The following STK36 variants were observed in gnomAD, a reference collection of about 807,000 sequenced individuals.
STK36 encodes the protein serine/threonine-protein kinase 36.
In STK36, 116 loss-of-function variants were observed where a neutral mutation model predicts 142.2. The ratio of observed to expected loss-of-function variants is 0.82; its 90% CI spans 0.70 to 0.95. STK36 has a LOEUF of 0.95. STK36 is among the 40% of genes least tolerant of loss of function. The probability of loss-of-function intolerance (pLI) is 0.00; values close to 1 mark genes in which losing one functional copy is unlikely to be tolerated. For missense variants in STK36, 1,422 were observed against 1,617.2 expected (o/e 0.88, Z 2.07); for synonymous variants, 619 against 641.7 (o/e 0.96, Z 0.53).
intron 4 of STK36, among the ~76,000 whole-genome samples, chr2:218,674,494 C>G (rs1940143384): frequency 6.6e-6 from 1 of 152,192 alleles, no homozygotes; most frequent in Non-Finnish European, 1.5e-5. Context: ...TTTGTCTGTA[C>G]CCAAGCAAGT....
intron 21 of STK36, among the ~76,000 whole-genome samples, chr2:218,696,116 C>T (rs1192421860): frequency 6.6e-6 from 1 of 152,148 alleles, no homozygotes; most frequent in East Asian, 1.9e-4. Context: ...CCCGCCTCAG[C>T]CTCCCAAAGT....
intron 10 of STK36, among the ~76,000 whole-genome samples, chr2:218,681,968 C>T (rs1420016047): frequency 6.6e-6 from 1 of 152,112 alleles, no homozygotes. Context: ...GCTCTTGTTG[C>T]CCAGGCTGGA....
chr2:218,688,469 G>A (rs945328108), intron 11 of STK36: 8 of 598,222 alleles, frequency 1.3e-5, no homozygotes, highest in East Asian at 6.4e-5. Context: ...GCCCCTATCC[G>A]TTGGTCACTG....
chr2:218,683,415 C>T (rs1270720290), intron 10 of STK36, among the ~76,000 whole-genome samples: 1 of 152,012 alleles, frequency 6.6e-6, no homozygotes, highest in Non-Finnish European at 1.5e-5. Context: ...GCTGGGGTTA[C>T]AGGTGCCTGT....
chr2:218,694,642 C>T lies in STK36; in HGVS notation c.2511+7C>T, dbSNP rs759204951. 3.7e-6 allele frequency: 6 copies of T among 1,605,204 alleles called. No homozygotes were observed. Among genetic ancestry groups the T allele is most frequent in the Admixed American group, 3.3e-5 (2 of 59,972 alleles). ...CTTGTCTGCCCCTGCAGAGGTGAGG[C>T]CCCCCAGGGAGGGCACAGACATGTT... On this transcript the variant is annotated splice_region_variant and intron_variant, in intron 21 of 26. Transcript: ENST00000295709. This position sits in a 1 kb window ranked among gnomAD's most constrained non-coding sequence, Gnocchi z 4.4.
In STK36 at chr2:218,698,887, C is replaced by T. The variant is rs563194328; in HGVS notation, c.3343C>T (p.Arg1115Cys). 9.3e-6 allele frequency: 15 copies of T among 1,614,200 alleles called. No individual in the cohort carries two copies. In the East Asian group the frequency reaches 1.1e-4, roughly 12 times the overall value. ...AGSDESYRPL[R>C]SLLGHPENSV... Reference sequence around the variant, plus strand: ...CTCTGATGAATCCTATCGGCCCCTGCGCAGCCTCCTGGGCCACCCAGAGAA... The same window carrying T: ...CTCTGATGAATCCTATCGGCCCCTGTGCAGCCTCCTGGGCCACCCAGAGAA... Residue 1115 changes from arginine (R) to cysteine (C), a missense_variant, in exon 26 of 27, where the codon CGC (arginine) becomes TGC (cysteine). Transcript: ENST00000295709.
intron 6 of STK36, 81 bp downstream of exon 6, chr2:218,676,359 T>G (rs1323125320): frequency 1.3e-6 from 2 of 1,546,264 alleles, no homozygotes; most frequent in Non-Finnish European, 1.8e-6. Context: ...CAAATCCTTT[T>G]CCAGAGCTGA....
chr2:218,700,458 A>G (rs1325813946), intron 26 of STK36, among the ~76,000 whole-genome samples: 3 of 151,688 alleles, frequency 2.0e-5, no homozygotes, highest in South Asian at 2.1e-4. Flanking sequence ...CTGGAGTACA[A>G]TGGCACAATG....
chr2:218,680,502 T>C, intron 9 of STK36, 101 bp from the exon 10 acceptor site: 1 of 964,224 alleles, frequency 1.0e-6, no homozygotes, highest in Non-Finnish European at 1.6e-6. Flanking sequence ...CTATATGGCT[T>C]CTTTCTCATT....
At chr2:218,674,509 C>A (rs138215996) in intron 4 of STK36, among the ~76,000 whole-genome samples, 1 of 152,154 alleles carries the variant, frequency 6.6e-6, no homozygotes, top group Non-Finnish European at 1.5e-5. Flanking sequence ...GCAAGTAGGC[C>A]CCCCCTGGGA....
At chr2:218,689,693 C>T (rs79738031) in intron 12 of STK36, among the ~76,000 whole-genome samples, 166 bp from the exon 13 acceptor site, 3 of 152,238 alleles carry the variant, frequency 2.0e-5, no homozygotes, top group African/African-American at 7.2e-5. Flanking sequence ...AGCCCATTGG[C>T]AGATTCTCTG....
intron 14 of STK36, among the ~76,000 whole-genome samples, chr2:218,691,667 C>T (rs1941003037): frequency 6.6e-6 from 1 of 152,112 alleles, no homozygotes; most frequent in Non-Finnish European, 1.5e-5. Flanking sequence ...GCAATCCTCC[C>T]ATCTCGGCCT....
chr2:218,672,736 A>G lies in STK36; in HGVS notation c.-89-5A>G, dbSNP rs1575117652. On this transcript the variant is annotated splice_region_variant and splice_polypyrimidine_tract_variant and intron_variant, in intron 1 of 26. Transcript: ENST00000295709. Reference sequence around the variant, plus strand: ...AACATTTTTCCTTTCCCGTGCCCCAACTAGGCGTCCCAGATGTTGTGGAAC... The same window carrying G: ...AACATTTTTCCTTTCCCGTGCCCCAGCTAGGCGTCCCAGATGTTGTGGAAC... 8 of 1,287,070 alleles carry G rather than the reference A, an allele frequency of 6.2e-6. No homozygotes were observed. Among genetic ancestry groups the G allele is most frequent in the South Asian group, 1.2e-5 (1 of 80,116 alleles). 79.7% of individuals were successfully genotyped at this position (1,287,070 alleles called of 1,614,324 possible).
chr2:218,689,941 G>C lies in STK36; in HGVS notation c.1643G>C (p.Ser548Thr). The C allele has an allele frequency of 6.3e-7, 1 of 1,594,120 alleles. No individual in the cohort carries two copies. The highest frequency in any genetic ancestry group is 1.1e-5 in the South Asian group (1 of 87,858). Residue 548 changes from serine (S) to threonine (T), a missense_variant, in exon 13 of 27, where the codon AGC becomes ACC. Physicochemically the swap from Ser to Thr is moderately conservative, Grantham distance 58. Coordinates refer to ENST00000295709, the MANE Select transcript of STK36 (RefSeq NM_015690.5). ...YFACTFNLER[S>T]QTSDSLQVFQ... ...GCCTGTACCTTCAATCTGGAGAGGA[G>C]CCAGACAAGTGACAGGTAGGATAAG... is the stretch of plus-strand genomic sequence containing the variant.
At chr2:218,683,651 T>C (rs940593221) in intron 10 of STK36, among the ~76,000 whole-genome samples, 2 of 152,154 alleles carry the variant, frequency 1.3e-5, no homozygotes, top group Non-Finnish European at 2.9e-5. Flanking sequence ...TAGTTACATA[T>C]GTATACATGT....
Position 218,688,748 on chromosome 2 carries a change from G to A in STK36, c.1432G>A (p.Val478Ile). Reference protein sequence around the residue: ...GASHILPAFRVLSSLLSSCSD... With the variant: ...GASHILPAFRILSSLLSSCSD... ...TTCCCACATCCTGCCTGCATTCCGG[G>A]TCCTGAGCAGTCTTCTCTCCAGCTG... The change falls in exon 12 of 27, where the codon GTC (valine) becomes ATC (isoleucine). Residue 478 changes from valine to isoleucine, a missense_variant. Physicochemically the swap from Val to Ile is conservative, Grantham distance 29. Around this residue, in one of 2 missense-constraint regions of STK36, gnomAD observed 962 missense variants for 1,167.5 expected, o/e 0.82. Transcript: ENST00000295709. 2 of 1,614,096 alleles carry A rather than the reference G, an allele frequency of 1.2e-6. No homozygotes were observed.
chr2:218,683,334 G>A (rs1290302136), intron 10 of STK36, among the ~76,000 whole-genome samples: 1 of 151,402 alleles, frequency 6.6e-6, no homozygotes, highest in African/African-American at 2.4e-5. Context: ...GAGTGCAGTG[G>A]CACGATCTTG....
At chr2:218,678,115 A>AT (rs934465912) in intron 6 of STK36, among the ~76,000 whole-genome samples, 10 of 151,880 alleles carry the variant, frequency 6.6e-5, no homozygotes, top group Non-Finnish European at 1.5e-4. Flanking sequence ...AATTAATTAA[A>AT]TTTTTTTTAA....
chr2:218,672,691 G>T, intron 1 of STK36, 50 bp from the exon 2 acceptor site: 1 of 740,018 alleles, frequency 1.4e-6, no homozygotes, highest in Non-Finnish European at 2.3e-6. Context: ...TTGTGAAAAA[G>T]AGGAAAAGGC....
Sources: allele counts gnomAD v4.1 joint callset (sites outside exome capture counted in the v4.1 genomes callset), GRCh38; gene constraint gnomAD v4.1.1; regional missense constraint gnomAD v4.1.1; non-coding constraint Gnocchi (gnomAD v3.1); transcripts MANE v1.5; gene names NCBI Gene and HGNC (gene_info 2026-07-23, HGNC 2026-07-21).